Variants in TPTE2 observed in about 807,000 individuals in gnomAD.
The protein encoded by TPTE2 is phosphatidylinositol 3,4,5-trisphosphate 3-phosphatase TPTE2.
A neutral mutation model predicts 78.6 loss-of-function variants in TPTE2; 53 were observed. The ratio of observed to expected loss-of-function variants is 0.67; its 90% CI spans 0.54 to 0.85. The LOEUF (loss-of-function observed/expected upper bound fraction) is 0.85, where lower values mean the gene tolerates loss of function less well. Ranked by LOEUF, TPTE2 falls within the 40% of genes least tolerant of loss-of-function variation. The pLI, the probability that TPTE2 is intolerant of heterozygous loss-of-function variation, is 0.00. For synonymous variants in TPTE2, 175 were observed against 206.2 expected, an observed-to-expected ratio of 0.85 and a Z score of 1.30; for missense variants, 461 against 623.0, an observed-to-expected ratio of 0.74 and a Z score of 2.77.
At chr13:19,560,915 C>G in the TPTE2 span, 4 of 1,589,942 alleles carry the variant, frequency 2.5e-6, no homozygotes, top group African/African-American at 4.0e-5. Flanking sequence ...GGAGGCCAGA[C>G]AGCTGTACTC....
chr13:19,427,000 G>A (rs915586051), intron 17 of TPTE2, among the ~76,000 whole-genome samples: 8 of 151,604 alleles, frequency 5.3e-5, no homozygotes, highest in African/African-American at 1.7e-4. Flanking sequence ...CACTGCACCC[G>A]GCCTGTTGTT....
At chr13:19,460,144 T>C (rs1878796452) in intron 10 of TPTE2, among the ~76,000 whole-genome samples, 1 of 152,226 alleles carries the variant, frequency 6.6e-6, no homozygotes, top group Admixed American at 6.5e-5. Flanking sequence ...GAGCAGCTGA[T>C]GTGCCCAGAC....
At position 19,465,547 on chromosome 13, in the gene TPTE2, C is replaced by T. The variant is rs777818439; in HGVS notation, c.530G>A (p.Arg177Gln). 22 of 1,599,088 alleles carry T rather than the reference C, an allele frequency of 1.4e-5. No individual in the cohort carries two copies. In the Admixed American group the frequency reaches 1.8e-4, roughly 13 times the overall value. ...TATCAGAATAATAAGTCGTAGAAGT[C>T]GAACTAAATGTGTCCATCTAACAAT... The change falls in exon 8 of 20, where the codon CGA becomes CAA. Residue 177 changes from arginine (R) to glutamine (Q), a missense_variant. Arg to Gln is a conservative substitution (Grantham distance 43). Transcript: ENST00000400230.
chr13:19,553,312 T>G, the TPTE2 span, among the ~76,000 whole-genome samples: 1 of 152,238 alleles, frequency 6.6e-6, no homozygotes, highest in Admixed American at 6.5e-5. Context: ...CTTTTGAGAA[T>G]GAGCCATATT....
In TPTE2 at chr13:19,535,232, T is replaced by A. The variant is rs537987724; in HGVS notation, c.-44+1364A>T. Among the ~76,000 whole-genome samples the A allele has an allele frequency of 2.9e-4, 44 of 151,380 alleles. No homozygotes were observed. The highest frequency in any genetic ancestry group is 3.4e-3 in the Middle Eastern group (1 of 294). ...AAACAAACAAACAAAAAAATATATATATATATATATTCTTTAGATCCAAGA... is the reference window on the plus strand; with the variant it reads ...AAACAAACAAACAAAAAAATATATAAATATATATATTCTTTAGATCCAAGA... On this transcript the variant is annotated intron_variant, in intron 1 of 17. Transcript: ENST00000390680. The surrounding 1 kb of genome is among the most constrained non-coding windows in gnomAD (Gnocchi z 5.1).
intron 1 of TPTE2, among the ~76,000 whole-genome samples, chr13:19,501,574 G>T (rs916694830): frequency 6.6e-6 from 1 of 151,416 alleles, no homozygotes; most frequent in Non-Finnish European, 1.5e-5. Flanking sequence ...TTTAATAAAT[G>T]GTGCTGGGAA....
chr13:19,546,530 C>A, the TPTE2 span, among the ~76,000 whole-genome samples: 21 of 110,784 alleles, frequency 1.9e-4, no homozygotes, highest in African/African-American at 7.1e-4. Flanking sequence ...ACTCTCGTTG[C>A]CCAGGCTGGA....
At chr13:19,459,894 C>T (rs1176388285) in intron 10 of TPTE2, among the ~76,000 whole-genome samples, 1 of 152,190 alleles carries the variant, frequency 6.6e-6, no homozygotes, top group African/African-American at 2.4e-5. Context: ...TGCCTCTCCC[C>T]ACCTCCCCGG....
chr13:19,548,399 A>G, the TPTE2 span, among the ~76,000 whole-genome samples: 6 of 148,406 alleles, frequency 4.0e-5, no homozygotes, highest in South Asian at 1.3e-3. Flanking sequence ...TTTTCTCCAC[A>G]CTATACTTGC....
At chr13:19,504,912 T>C (rs533020221), upstream of TPTE2, among the ~76,000 whole-genome samples, 1 of 152,212 alleles carries the variant, frequency 6.6e-6, no homozygotes, top group Non-Finnish European at 1.5e-5. Flanking sequence ...TATCTGCACA[T>C]ACATTTCTTT....
chr13:19,515,901 G>A (rs553356514), intron 1 of TPTE2, among the ~76,000 whole-genome samples: 1 of 152,298 alleles, frequency 6.6e-6, no homozygotes, highest in South Asian at 2.1e-4. Context: ...CAAGTTCCTT[G>A]GGAAACTAAT....
At chr13:19,500,540 A>G in intron 1 of TPTE2, among the ~76,000 whole-genome samples, 1 of 152,094 alleles carries the variant, frequency 6.6e-6, no homozygotes, top group East Asian at 1.9e-4. Flanking sequence ...ACAGAGCCAA[A>G]GACAAAAACC....
the TPTE2 span, among the ~76,000 whole-genome samples, chr13:19,549,319 C>T: frequency 2.0e-5 from 3 of 152,188 alleles, no homozygotes; most frequent in Middle Eastern, 0.01. Flanking sequence ...CAAAAACAAT[C>T]AACCCTATTA....
rs550028229 is a variant in TPTE2, at chr13:19,490,856, T to C, written c.119+1994A>G. On this transcript the variant is annotated intron_variant, in intron 3 of 19. Transcript: ENST00000400230. ...ACTGTTACCTCCTCCTTGCACCAAATAGGACTGTTGCCTCTTTTGGCTCAC... is the reference window on the plus strand; with the variant it reads ...ACTGTTACCTCCTCCTTGCACCAAACAGGACTGTTGCCTCTTTTGGCTCAC... 7.0e-4 allele frequency among the ~76,000 whole-genome samples: 107 copies of C among 152,338 alleles called. 1 individual carries two copies. The highest frequency in any genetic ancestry group is 2.3e-3 in the African/African-American group (97 of 41,582).
At position 19,453,621 on chromosome 13, in the gene TPTE2, G is replaced by A. The variant is rs370469263; in HGVS notation, c.742-2396C>T. Among the ~76,000 whole-genome samples the A allele has an allele frequency of 1.9e-3, 283 of 149,550 alleles. 1 individual carries two copies. The highest frequency in any genetic ancestry group is 6.4e-3 in the African/African-American group (255 of 39,986). ...TGTTTTCTGATCTAAGTAGTTTACCGAAGACTGCAAATACCTCTTATCCAA... is the reference window on the plus strand; with the variant it reads ...TGTTTTCTGATCTAAGTAGTTTACCAAAGACTGCAAATACCTCTTATCCAA... On this transcript the variant is annotated intron_variant, in intron 10 of 19. Coordinates refer to ENST00000400230, the Ensembl canonical transcript of TPTE2.
intron 13 of TPTE2, among the ~76,000 whole-genome samples, chr13:19,446,486 A>G (rs1358529726): frequency 2.0e-5 from 3 of 152,222 alleles, no homozygotes; most frequent in Non-Finnish European, 2.9e-5. Flanking sequence ...CCAACTTCCA[A>G]TTAGATTAAA....
chr13:19,531,421 CT>C (rs547741109), intron 1 of TPTE2, among the ~76,000 whole-genome samples: 71 of 145,342 alleles, frequency 4.9e-4, no homozygotes, highest in Non-Finnish European at 3.6e-4. Context: ...GTCATTTATC[CT>C]TTTTTTTTTG....
chr13:19,448,257 T>G (rs1354237608), intron 13 of TPTE2, among the ~76,000 whole-genome samples: 6 of 152,176 alleles, frequency 3.9e-5, no homozygotes, highest in African/African-American at 1.4e-4. Flanking sequence ...TTCTTGACAT[T>G]GGTCTGGGCC....
intron 1 of TPTE2, among the ~76,000 whole-genome samples, chr13:19,513,126 T>C (rs1869564747): frequency 6.6e-6 from 1 of 152,192 alleles, no homozygotes; most frequent in African/African-American, 2.4e-5. Flanking sequence ...TTTCTGAGTA[T>C]AACACACACA....
Sources: gnomAD v4.1 joint callset for allele counts (sites outside exome capture counted in the v4.1 genomes callset) on GRCh38, gnomAD v4.1.1 for gene constraint, Gnocchi (gnomAD v3.1) non-coding constraint, MANE v1.5 for transcripts, NCBI Gene and HGNC (gene_info 2026-07-23, HGNC 2026-07-21) for gene names.